GSK3B: variants seen among roughly 807,000 people sequenced by gnomAD.
GSK3B encodes the protein glycogen synthase kinase-3 beta.
GSK3B carries 15 observed loss-of-function variants against 56.4 expected under a neutral mutation model. The ratio of observed to expected loss-of-function variants is 0.27; its 90% CI spans 0.18 to 0.41. The LOEUF (loss-of-function observed/expected upper bound fraction) is 0.41. Ranked by LOEUF, GSK3B falls within the 10% of genes least tolerant of loss-of-function variation. The probability of loss-of-function intolerance (pLI) is 1.00; values close to 1 mark genes in which losing one functional copy is unlikely to be tolerated. For synonymous variants in GSK3B, 181 were observed against 188.9 expected (o/e 0.96, Z 0.34); for missense variants, 300 against 513.4 (o/e 0.58, Z 4.02).
chr3:119,944,376 T>C (rs1221012571), intron 3 of GSK3B, among the ~76,000 whole-genome samples: 26 of 152,174 alleles, frequency 1.7e-4, no homozygotes, highest in Admixed American at 1.7e-3. Flanking sequence ...AAAAGAAAAC[T>C]GAAACCTCAA....
At position 119,827,085 on chromosome 3, in the gene GSK3B, T is replaced by C. The variant is rs72548710; in HGVS notation, c.1196-230A>G. ...CGGGAAGACAGTGTCTTTGAATAAG[T>C]TGCAGACTCAGGGAGCCAGAGACCA... On this transcript the variant is annotated intron_variant, in intron 10 of 10. Coordinates refer to ENST00000264235, the MANE Select transcript of GSK3B (RefSeq NM_001146156.2). 7.8e-3 allele frequency among the ~76,000 whole-genome samples: 1,187 copies of C among 152,314 alleles called. 14 individuals carry two copies. Among genetic ancestry groups the C allele is most frequent in the African/African-American group, 0.026 (1,098 of 41,562 alleles).
intron 5 of GSK3B, among the ~76,000 whole-genome samples, chr3:119,915,096 C>G (rs1219764453): frequency 6.6e-6 from 1 of 151,892 alleles, no homozygotes; most frequent in Non-Finnish European, 1.5e-5. Context: ...AAGGTTAGAT[C>G]AGAGAGGCAC....
intron 2 of GSK3B, among the ~76,000 whole-genome samples, chr3:119,955,923 G>T (rs983487719): frequency 1.3e-5 from 2 of 152,100 alleles, no homozygotes; most frequent in African/African-American, 4.8e-5. Context: ...AAAGTGCTGG[G>T]ATTACAGGTG....
At chr3:120,066,602 T>C (rs1424279418) in intron 1 of GSK3B, among the ~76,000 whole-genome samples, 2 of 152,208 alleles carry the variant, frequency 1.3e-5, no homozygotes, top group African/African-American at 2.4e-5. Flanking sequence ...AAAGTTCTTC[T>C]TTATAGAAAA....
rs114347010 is a variant in GSK3B at position 120,043,463 on chromosome 3, G to A, written c.89-41224C>T. Among the ~76,000 whole-genome samples, 1,161 of 152,152 alleles carry A rather than the reference G, an allele frequency of 7.6e-3. 12 individuals carry two copies. The highest frequency in any genetic ancestry group is 0.041 in the Middle Eastern group (12 of 294). ...TTGTCTTGTTACACCTTGTGAGGAC[G>A]AACAATGACAAAGACAAATCTCTAC... On this transcript the variant is annotated intron_variant, in intron 1 of 10. Transcript: ENST00000264235.
intron 10 of GSK3B, among the ~76,000 whole-genome samples, chr3:119,827,225 T>G (rs886685824): frequency 6.6e-6 from 1 of 152,136 alleles, no homozygotes; most frequent in Non-Finnish European, 1.5e-5. Flanking sequence ...TGCTAAAAAT[T>G]TGAACCATGT....
At chr3:119,876,065 C>T (rs1478482338) in intron 8 of GSK3B, among the ~76,000 whole-genome samples, 2 of 152,086 alleles carry the variant, frequency 1.3e-5, no homozygotes, top group African/African-American at 4.8e-5. Context: ...GTATGATATG[C>T]TATATGATAT....
intron 7 of GSK3B, among the ~76,000 whole-genome samples, chr3:119,896,450 C>T (rs770605117): frequency 7.9e-5 from 12 of 151,264 alleles, no homozygotes; most frequent in Admixed American, 5.2e-4. Flanking sequence ...TCTGTATACA[C>T]ATCAACCAGT....
At chr3:119,992,091 TTTTTTATA>T (rs2057571452) in intron 2 of GSK3B, among the ~76,000 whole-genome samples, 2 of 152,054 alleles carry the variant, frequency 1.3e-5, no homozygotes, top group South Asian at 4.1e-4. Context: ...GATCAACACT[TTTTTTATA>T]AAGTTAGATA....
intron 6 of GSK3B, among the ~76,000 whole-genome samples, chr3:119,910,756 C>A (rs1252518504): frequency 6.6e-6 from 1 of 152,178 alleles, no homozygotes; most frequent in African/African-American, 2.4e-5. Flanking sequence ...CCTCTCAACC[C>A]CTGCTGCTGC....
chr3:120,016,382 C>G (rs2057827684), intron 1 of GSK3B, among the ~76,000 whole-genome samples: 2 of 152,184 alleles, frequency 1.3e-5, no homozygotes, highest in African/African-American at 4.8e-5. Flanking sequence ...ACTCAGAACA[C>G]TCATTTTAAC....
chr3:119,877,912 C>T (rs1013263432), intron 7 of GSK3B, among the ~76,000 whole-genome samples: 23 of 151,920 alleles, frequency 1.5e-4, no homozygotes, highest in African/African-American at 4.6e-4. Flanking sequence ...TTTATAAGAC[C>T]GTGTATAAAT....
intron 2 of GSK3B, among the ~76,000 whole-genome samples, chr3:119,974,718 T>C (rs1218362492): frequency 6.6e-6 from 1 of 152,058 alleles, no homozygotes; most frequent in Non-Finnish European, 1.5e-5. Flanking sequence ...ATAAAGCATA[T>C]AAGAAGATGT....
Position 119,916,127 on chromosome 3 carries a change from A to C in GSK3B, c.525T>G (p.Phe175Leu). 1.2e-6 allele frequency: 2 copies of C among 1,611,762 alleles called. No homozygotes were observed. Among genetic ancestry groups the C allele is most frequent in the South Asian group, 2.2e-5 (2 of 91,022 alleles). Residue 175 changes from phenylalanine to leucine, a missense_variant, in exon 5 of 11, where the codon TTT becomes TTG. This residue lies in a region of GSK3B where 39 missense variants were observed against 154.6 expected (regional missense o/e 0.25). Coordinates refer to ENST00000264235, the MANE Select transcript of GSK3B (RefSeq NM_001146156.2). ...GTTTAATATCCCGATGGCAGATTCCAAAGGAATGGATATAGGCTAAACTTC... is the reference window on the plus strand; with the variant it reads ...GTTTAATATCCCGATGGCAGATTCCCAAGGAATGGATATAGGCTAAACTTC... ...LFRSLAYIHS[F>L]GICHRDIKPQ...
chr3:119,906,424 A>C (rs2056683112), intron 6 of GSK3B, among the ~76,000 whole-genome samples: 1 of 152,116 alleles, frequency 6.6e-6, no homozygotes, highest in Non-Finnish European at 1.5e-5. Context: ...TACTTCATAA[A>C]TTATAAAAAT....
intron 1 of GSK3B, among the ~76,000 whole-genome samples, chr3:120,090,704 G>A (rs2058504660): frequency 6.6e-6 from 1 of 151,880 alleles, no homozygotes; most frequent in African/African-American, 2.4e-5. Flanking sequence ...CCCTAAAAAG[G>A]CTCTAGCATC....
intron 4 of GSK3B, among the ~76,000 whole-genome samples, chr3:119,920,986 C>T (rs2056835105): frequency 6.6e-6 from 1 of 152,154 alleles, no homozygotes; most frequent in South Asian, 2.1e-4. Context: ...TAAATACCAC[C>T]TCCCACTAAA....
chr3:119,825,303 A>G lies in GSK3B; in HGVS notation c.*1485T>C, dbSNP rs2055486128. On this transcript the variant is annotated 3_prime_UTR_variant, in exon 11 of 11. Coordinates refer to ENST00000264235, the MANE Select transcript of GSK3B (RefSeq NM_001146156.2). The stretch of plus-strand genomic sequence containing the variant: ...GAAAATCTATTTCCTCACGGCAAAC[A>G]TAGTCCTTCAATTCTCCTTGCTTTC... 8.7e-6 allele frequency: 2 copies of G among 229,588 alleles called. No homozygotes were observed. Among genetic ancestry groups the G allele is most frequent in the Non-Finnish European group, 1.7e-5 (2 of 115,814 alleles). The allele number at this position is 229,588 out of a possible 1,614,324, so 14.2% of individuals were successfully genotyped here. A position where few individuals can be genotyped will look rare whatever the true frequency, so the allele number is the denominator to read the frequency against.
At chr3:120,058,357 T>C (rs1426454784) in intron 1 of GSK3B, among the ~76,000 whole-genome samples, 1 of 152,320 alleles carries the variant, frequency 6.6e-6, no homozygotes, top group African/African-American at 2.4e-5. Context: ...AAACTAAGTA[T>C]TCAAAATCTG....
Sources: gnomAD v4.1 joint callset for allele counts (sites outside exome capture counted in the v4.1 genomes callset) on GRCh38, gnomAD v4.1.1 for gene constraint, gnomAD v4.1.1 regional missense constraint, MANE v1.5 for transcripts, NCBI Gene and HGNC (gene_info 2026-07-23, HGNC 2026-07-21) for gene names.